Variants in MATN2 observed in about 807,000 individuals in gnomAD.
The protein encoded by MATN2 is matrilin-2.
Under a neutral mutation model 103.2 loss-of-function variants are expected in MATN2, and 69 were observed. That is an observed-to-expected ratio of 0.67 (90% CI 0.55 to 0.82). The LOEUF is 0.82. Ranked by LOEUF, MATN2 falls within the 40% of genes least tolerant of loss-of-function variation. The pLI is 0.00. For synonymous variants in MATN2, 429 were observed against 450.2 expected, an observed-to-expected ratio of 0.95 and a Z score of 0.60; for missense variants, 1,023 against 1,211.5, an observed-to-expected ratio of 0.84 and a Z score of 2.31.
intron 2 of MATN2, among the ~76,000 whole-genome samples, chr8:97,914,085 G>A (rs1809540563): frequency 1.3e-5 from 2 of 152,196 alleles, no homozygotes; most frequent in Admixed American, 1.3e-4. Context: ...TCAACTCCCA[G>A]AGACAAAGGA....
chr8:97,967,724 C>A (rs1381897913), intron 5 of MATN2, among the ~76,000 whole-genome samples: 1 of 152,262 alleles, frequency 6.6e-6, no homozygotes, highest in Non-Finnish European at 1.5e-5. Flanking sequence ...GCTGCCCTCA[C>A]AGGTTGTTGG....
intron 2 of MATN2, among the ~76,000 whole-genome samples, chr8:97,896,136 G>C (rs1818799045): frequency 6.6e-6 from 1 of 152,200 alleles, no homozygotes; most frequent in Non-Finnish European, 1.5e-5. Context: ...CCAGGGCTCA[G>C]TGTGTATTGA....
intron 3 of MATN2, among the ~76,000 whole-genome samples, chr8:97,935,026 C>A (rs150365876): frequency 6.6e-6 from 1 of 152,254 alleles, no homozygotes; most frequent in Admixed American, 6.5e-5. Flanking sequence ...GTGCTAGGTA[C>A]TTTCAAATAC....
intron 2 of MATN2, among the ~76,000 whole-genome samples, chr8:97,921,568 TA>T (rs34898104): frequency 0.33 from 49,860 of 150,324 alleles, 8,959 homozygotes; most frequent in Admixed American, 0.39. Context: ...CGCACTGTGG[TA>T]AAAAAAAAAC....
chr8:97,935,116 G>A (rs190123634), intron 3 of MATN2, among the ~76,000 whole-genome samples: 9 of 151,878 alleles, frequency 5.9e-5, no homozygotes, highest in African/African-American at 2.2e-4. Flanking sequence ...AAGAGATAAG[G>A]TCTCACTATG....
At chr8:97,871,322 G>T (rs983197857) in intron 1 of MATN2, among the ~76,000 whole-genome samples, 1 of 152,236 alleles carries the variant, frequency 6.6e-6, no homozygotes, top group Non-Finnish European at 1.5e-5. Context: ...GAGACTAAAA[G>T]GGGGAGAGAC....
At chr8:98,021,423 T>C (rs527353599) in intron 13 of MATN2, 96 bp downstream of exon 13, 1 of 1,351,346 alleles carries the variant, frequency 7.4e-7, no homozygotes, top group African/African-American at 1.5e-5. Context: ...CCTCTGCTTC[T>C]CCCATAAATA....
chr8:97,924,041 C>T (rs563892359), intron 2 of MATN2, among the ~76,000 whole-genome samples: 1 of 152,334 alleles, frequency 6.6e-6, no homozygotes, highest in East Asian at 1.9e-4. Context: ...CTGTCTTTCA[C>T]CTCAATTCCT....
intron 12 of MATN2, among the ~76,000 whole-genome samples, chr8:98,019,071 TG>T (rs550234240): frequency 1.1e-3 from 161 of 148,942 alleles, no homozygotes; most frequent in Non-Finnish European, 1.9e-3. Flanking sequence ...ATGTCTTCTA[TG>T]GTCTGTTCTA....
At chr8:97,993,175 C>T (rs1379051811) in intron 6 of MATN2, among the ~76,000 whole-genome samples, 1 of 152,098 alleles carries the variant, frequency 6.6e-6, no homozygotes, top group East Asian at 1.9e-4. Flanking sequence ...GAAAAATTGG[C>T]ATCTCACTCA....
intron 1 of MATN2, among the ~76,000 whole-genome samples, chr8:97,885,660 G>A (rs1484465044): frequency 2.0e-5 from 3 of 151,712 alleles, no homozygotes; most frequent in Non-Finnish European, 4.4e-5. Flanking sequence ...TAGGCTGGGT[G>A]TGTTGGCTCA....
At chr8:98,034,276 G>A (rs1179039419) in intron 18 of MATN2, 1 of 428,194 alleles carries the variant, frequency 2.3e-6, no homozygotes, top group Non-Finnish European at 4.7e-6. Context: ...AGGAATGCTT[G>A]GGGATAATAA....
chr8:97,902,918 C>A (rs772006328), intron 2 of MATN2, among the ~76,000 whole-genome samples: 2 of 152,146 alleles, frequency 1.3e-5, no homozygotes, highest in Non-Finnish European at 2.9e-5. Flanking sequence ...GAATGCCCAG[C>A]CTTCTTGGTG....
chr8:98,004,445 T>G (rs1184355457), intron 8 of MATN2, among the ~76,000 whole-genome samples: 1 of 152,178 alleles, frequency 6.6e-6, no homozygotes, highest in African/African-American at 2.4e-5. Context: ...CTACTAGATG[T>G]GTGTGAACTT....
At position 98,021,383 on chromosome 8, in the gene MATN2, T is replaced by C. The variant is rs571773048; in HGVS notation, c.1942+56T>C. 15 of 1,585,190 alleles carry C rather than the reference T, an allele frequency of 9.5e-6. No individual in the cohort carries two copies. The African/African-American group carries it at 1.5e-4, about 16-fold the overall frequency. ...AATTTTGTTTTGGAGCAACTGCTTTTTGGAGTATTTTCAGGCAACAAATCC... is the reference window on the plus strand; with the variant it reads ...AATTTTGTTTTGGAGCAACTGCTTTCTGGAGTATTTTCAGGCAACAAATCC... On this transcript the variant is annotated intron_variant, in intron 13 of 18. Transcript: ENST00000254898.
chr8:97,870,686 G>C (rs894660658), intron 1 of MATN2, among the ~76,000 whole-genome samples: 4 of 152,190 alleles, frequency 2.6e-5, no homozygotes, highest in Non-Finnish European at 5.9e-5. Flanking sequence ...CCATGGGTAC[G>C]TGAGGGTGGC....
intron 13 of MATN2, 119 bp from the exon 14 acceptor site, chr8:98,027,297 A>G: frequency 2.5e-6 from 2 of 802,412 alleles, no homozygotes; most frequent in Admixed American, 2.6e-5. Flanking sequence ...TGTATTATCT[A>G]AAGAACAAAA....
intron 6 of MATN2, among the ~76,000 whole-genome samples, chr8:97,987,271 C>T (rs982286008): frequency 6.6e-6 from 1 of 152,108 alleles, no homozygotes; most frequent in Admixed American, 6.5e-5. Flanking sequence ...GGGAGCAACA[C>T]ACACCGGGGC....
At chr8:98,035,272 G>A (rs991857988) in intron 18 of MATN2, among the ~76,000 whole-genome samples, 3 of 151,976 alleles carry the variant, frequency 2.0e-5, no homozygotes, top group Admixed American at 6.6e-5. Flanking sequence ...CAGGAGAATC[G>A]CTTGAACCCA....
Sources: gnomAD v4.1 joint callset for allele counts (sites outside exome capture counted in the v4.1 genomes callset) on GRCh38, gnomAD v4.1.1 for gene constraint, MANE v1.5 for transcripts, NCBI Gene and HGNC (gene_info 2026-07-23, HGNC 2026-07-21) for gene names.